The following ZNF407 variants were observed in gnomAD, a reference collection of about 807,000 sequenced individuals.
ZNF407 encodes the protein zinc finger protein 407.
In ZNF407, 17 loss-of-function variants were observed where a neutral mutation model predicts 131.2. That is an observed-to-expected ratio of 0.13 (90% CI 0.09 to 0.19). The LOEUF is 0.19. ZNF407 is among the 10% of genes least tolerant of loss of function. The pLI is 1.00. For synonymous variants in ZNF407, 1,156 were observed against 1,062.0 expected (o/e 1.09, Z -1.72); for missense variants, 2,681 against 2,830.6 (o/e 0.95, Z 1.20).
intron 2 of ZNF407, among the ~76,000 whole-genome samples, chr18:74,637,031 T>G (rs183631349): frequency 2.0e-4 from 30 of 152,348 alleles, no homozygotes; most frequent in Admixed American, 2.0e-3. Context: ...CTTTTTAGAA[T>G]TCTTTATGCA....
chr18:74,869,581 C>T (rs1487896014), intron 4 of ZNF407, among the ~76,000 whole-genome samples: 2 of 152,150 alleles, frequency 1.3e-5, no homozygotes, highest in African/African-American at 4.8e-5. Context: ...CTTAATGGAC[C>T]TTTGTGTGCC....
At position 74,808,259 on chromosome 18, in the gene ZNF407, C is replaced by T. The variant is rs113540777; in HGVS notation, c.4877+26757C>T. ...GAACTCCTGACCTCAGGTGATCCAC[C>T]GGCCTTGGCCTCCCAAAGTGCTGGG... On this transcript the variant is annotated intron_variant, in intron 4 of 8. Transcript: ENST00000299687. Among the ~76,000 whole-genome samples the T allele has an allele frequency of 6.6e-3, 1,004 of 152,284 alleles. 2 individuals carry two copies. The highest frequency in any genetic ancestry group is 0.024 in the Middle Eastern group (7 of 294).
intron 8 of ZNF407, among the ~76,000 whole-genome samples, chr18:75,057,882 C>T (rs1344824246): frequency 6.6e-6 from 1 of 152,130 alleles, no homozygotes; most frequent in Non-Finnish European, 1.5e-5. Context: ...CAACGTATGC[C>T]TTCAAGAGAG....
intron 3 of ZNF407, among the ~76,000 whole-genome samples, chr18:74,737,881 G>C (rs989431541): frequency 6.6e-6 from 1 of 152,082 alleles, no homozygotes; most frequent in Non-Finnish European, 1.5e-5. Flanking sequence ...TGAGAATCTT[G>C]CTATATTTTG....
intron 8 of ZNF407, among the ~76,000 whole-genome samples, chr18:75,019,384 G>T (rs1009456973): frequency 3.3e-5 from 5 of 152,176 alleles, no homozygotes; most frequent in African/African-American, 1.2e-4. Context: ...AGTGTGCGCA[G>T]TGGTCCTCCT....
At chr18:74,755,771 T>TTCTTTCTTTCTTTCTTTCTTTCTTTCTC (rs1265035731) in intron 3 of ZNF407, among the ~76,000 whole-genome samples, 15 of 130,566 alleles carry the variant, frequency 1.1e-4, no homozygotes, top group East Asian at 9.0e-4. Context: ...CTTTCTTTCT[T>TTCTTTCTTTCTTTCTTTCTTTCTTTCTC]TCTCTCTCTC....
chr18:74,954,147 A>T (rs1392290323), intron 8 of ZNF407, among the ~76,000 whole-genome samples: 6 of 152,216 alleles, frequency 3.9e-5, no homozygotes, highest in Admixed American at 3.9e-4. Flanking sequence ...TCTAAAGGGA[A>T]AGAGGCCAGT....
chr18:74,962,411 C>T (rs551573802), intron 8 of ZNF407, among the ~76,000 whole-genome samples: 5 of 152,328 alleles, frequency 3.3e-5, no homozygotes, highest in African/African-American at 9.6e-5. Flanking sequence ...ACTGACATGG[C>T]GTGGGCCCCT....
At chr18:74,975,877 A>G (rs1449733718) in intron 8 of ZNF407, among the ~76,000 whole-genome samples, 1 of 152,164 alleles carries the variant, frequency 6.6e-6, no homozygotes, top group Non-Finnish European at 1.5e-5. Flanking sequence ...TTTCTATTGT[A>G]TGTTGTTATA....
intron 4 of ZNF407, chr18:74,804,399 T>G (rs139959869): frequency 2.0e-6 from 2 of 1,016,260 alleles, no homozygotes; most frequent in East Asian, 1.8e-4. Context: ...GCCTGGCATA[T>G]TCAGTAAGGA....
chr18:74,796,337 G>C lies in ZNF407; in HGVS notation c.4877+14835G>C, dbSNP rs576788606. On this transcript the variant is annotated intron_variant, in intron 4 of 8. Coordinates refer to ENST00000299687, the MANE Select transcript of ZNF407 (RefSeq NM_017757.3). ...AATAGCTCTTTGTGCATGACTGATAGAGCGTTAGGTTTTGTTACTCAATGA... is the reference window on the plus strand; with the variant it reads ...AATAGCTCTTTGTGCATGACTGATACAGCGTTAGGTTTTGTTACTCAATGA... Among the ~76,000 whole-genome samples, 45 of 152,290 alleles carry C rather than the reference G, an allele frequency of 3.0e-4. 1 individual carries two copies. The highest frequency in any genetic ancestry group is 1.0e-3 in the African/African-American group (43 of 41,552).
At chr18:74,655,494 G>A (rs932564071) in intron 3 of ZNF407, among the ~76,000 whole-genome samples, 2 of 151,954 alleles carry the variant, frequency 1.3e-5, no homozygotes, top group East Asian at 1.9e-4. Flanking sequence ...TCACTTGCAC[G>A]CATAGCATGG....
chr18:74,809,876 A>T (rs1176111916), intron 4 of ZNF407, among the ~76,000 whole-genome samples: 2 of 152,200 alleles, frequency 1.3e-5, no homozygotes, highest in African/African-American at 4.8e-5. Context: ...GGGAGTGGTC[A>T]GATTGGTGAT....
intron 3 of ZNF407, among the ~76,000 whole-genome samples, chr18:74,746,864 C>T (rs906349654): frequency 1.9e-4 from 29 of 151,844 alleles, no homozygotes; most frequent in Middle Eastern, 3.4e-3. Flanking sequence ...ATTTATAAGC[C>T]GGTAACATAG....
chr18:75,049,080 G>A (rs77362838), intron 8 of ZNF407, among the ~76,000 whole-genome samples: 3,712 of 132,342 alleles, frequency 0.028, 74 homozygotes, highest in African/African-American at 0.051. Flanking sequence ...AACACTGGCC[G>A]GTAGTATTTT....
At chr18:74,799,310 A>G (rs970173998) in intron 4 of ZNF407, among the ~76,000 whole-genome samples, 1 of 152,130 alleles carries the variant, frequency 6.6e-6, no homozygotes, top group Non-Finnish European at 1.5e-5. Flanking sequence ...TTCCCATAGG[A>G]CAGAAACAGT....
Position 74,635,459 on chromosome 18 carries a change from G to A in ZNF407, c.4440G>A (p.Pro1480=), listed in dbSNP as rs376799552. 2.0e-5 allele frequency: 33 copies of A among 1,613,052 alleles called. No individual in the cohort carries two copies. Among genetic ancestry groups the A allele is most frequent in the East Asian group, 2.0e-4 (9 of 44,872 alleles). ...AGCAGGCCAGTGTGGAGGAGCTTCCGGAGGGAGGGGCCACCTTTAAATGTG... is the reference window on the plus strand; with the variant it reads ...AGCAGGCCAGTGTGGAGGAGCTTCCAGAGGGAGGGGCCACCTTTAAATGTG... ...RNEQASVEEL[P]EGGATFKCVK... Residue 1480 remains proline, a synonymous_variant, in exon 2 of 9, where the codon CCG becomes CCA. Coordinates refer to ENST00000299687, the MANE Select transcript of ZNF407 (RefSeq NM_017757.3). The surrounding 1 kb of genome is among the most constrained non-coding windows in gnomAD (Gnocchi z 4.7).
chr18:74,730,007 T>C (rs181438449), intron 3 of ZNF407, among the ~76,000 whole-genome samples: 7 of 152,330 alleles, frequency 4.6e-5, no homozygotes, highest in Admixed American at 3.9e-4. Flanking sequence ...CCAATAGCGT[T>C]GGAAAAGCAC....
intron 8 of ZNF407, among the ~76,000 whole-genome samples, chr18:75,059,836 C>T (rs566932772): frequency 6.6e-6 from 1 of 152,184 alleles, no homozygotes; most frequent in Non-Finnish European, 1.5e-5. Flanking sequence ...CGATTCGGCC[C>T]CTGCCCGTGG....
Sources: allele counts gnomAD v4.1 joint callset (sites outside exome capture counted in the v4.1 genomes callset), GRCh38; gene constraint gnomAD v4.1.1; non-coding constraint Gnocchi (gnomAD v3.1); transcripts MANE v1.5; gene names NCBI Gene and HGNC (gene_info 2026-07-23, HGNC 2026-07-21).